The following FKBP5 variants were observed in gnomAD, a reference collection of about 807,000 sequenced individuals.
FKBP5 encodes the protein peptidyl-prolyl cis-trans isomerase FKBP5.
A neutral mutation model predicts 50.5 loss-of-function variants in FKBP5; 23 were observed. The observed-to-expected ratio is 0.46, with a 90% confidence interval of 0.33 to 0.65. The LOEUF (loss-of-function observed/expected upper bound fraction) is 0.65, where lower values mean the gene tolerates loss of function less well. Among genes scored for constraint, FKBP5 ranks in the 30% least tolerant of loss-of-function variants. FKBP5 has a pLI of 0.02. For synonymous variants in FKBP5, 176 were observed against 190.6 expected, an observed-to-expected ratio of 0.92 and a Z score of 0.63; for missense variants, 411 against 553.1, an observed-to-expected ratio of 0.74 and a Z score of 2.58.
intron 8 of FKBP5, chr6:35,584,878 G>A: frequency 2.0e-6 from 2 of 985,380 alleles, no homozygotes; most frequent in Non-Finnish European, 2.4e-6. Flanking sequence ...GTTCATAATA[G>A]TATCACTCTT....
intron 1 of FKBP5, among the ~76,000 whole-genome samples, chr6:35,656,895 CAA>C (rs35579361): frequency 7.2e-5 from 8 of 111,020 alleles, no homozygotes; most frequent in African/African-American, 1.4e-4. Context: ...GACTCCGTCT[CAA>C]AAAAAAAAAA....
intron 7 of FKBP5, among the ~76,000 whole-genome samples, 162 bp from the exon 8 acceptor site, chr6:35,587,279 T>G (rs73746494): frequency 0.072 from 10,945 of 152,262 alleles, 784 homozygotes; most frequent in African/African-American, 0.19. Context: ...GGCCAGTGCT[T>G]CTTCATACTG....
Position 35,642,202 on chromosome 6 carries a change from C to A in FKBP5, c.105+518G>T, listed in dbSNP as rs112250490. Among the ~76,000 whole-genome samples, 841 of 152,004 alleles carry A rather than the reference C, an allele frequency of 5.5e-3. 10 individuals are homozygous for A. Among genetic ancestry groups the A allele is most frequent in the African/African-American group, 0.019 (768 of 41,440 alleles). On this transcript the variant is annotated intron_variant, in intron 2 of 10. Coordinates refer to ENST00000357266, the MANE Select transcript of FKBP5 (RefSeq NM_004117.4). ...CCTTTAGAGTGAGATATAACTTGGA[C>A]CTGAACCCCAGGTAAATCTGCATTA...
intron 1 of FKBP5, among the ~76,000 whole-genome samples, chr6:35,726,105 G>A (rs1025107234): frequency 7.9e-5 from 12 of 152,206 alleles, no homozygotes; most frequent in Admixed American, 2.6e-4. Context: ...CCGGAAAGGC[G>A]GCAAGCATCA....
intron 5 of FKBP5, among the ~76,000 whole-genome samples, chr6:35,610,408 T>C (rs971017007): frequency 2.7e-5 from 4 of 150,704 alleles, no homozygotes; most frequent in African/African-American, 9.8e-5. Flanking sequence ...CTACTAAAAA[T>C]ACAAAAAAAA....
intron 2 of FKBP5, among the ~76,000 whole-genome samples, chr6:35,706,116 CAAAT>C (rs988975141): frequency 6.7e-6 from 1 of 148,312 alleles, no homozygotes; most frequent in Non-Finnish European, 1.5e-5. Context: ...CTCAAACAAA[CAAAT>C]AGTTTAGAAA....
Position 35,577,058 on chromosome 6 carries a change from T to C in FKBP5, c.1202A>G (p.His401Arg), listed in dbSNP as rs1360571907. 3 of 1,614,108 alleles carry C rather than the reference T, an allele frequency of 1.9e-6. No homozygotes were observed. Among genetic ancestry groups the C allele is most frequent in the Non-Finnish European group, 2.5e-6 (3 of 1,180,034 alleles). ...GTATATCCTGCGGTCCCGCTCGTTG[T>C]GCTCCTTGGCCTTTTTCTGGCACAT... ...ISMCQKKAKEHNERDRRIYAN... is the reference protein window; with the variant it reads ...ISMCQKKAKERNERDRRIYAN... Residue 401 changes from histidine to arginine, a missense_variant, in exon 10 of 11, where the codon CAC (histidine) becomes CGC (arginine). His to Arg is a conservative substitution (Grantham distance 29). Coordinates refer to ENST00000357266, the MANE Select transcript of FKBP5 (RefSeq NM_004117.4).
intron 2 of FKBP5, among the ~76,000 whole-genome samples, chr6:35,695,828 C>G (rs889703596): frequency 1.3e-5 from 2 of 152,110 alleles, no homozygotes; most frequent in Non-Finnish European, 2.9e-5. Context: ...TAGAAAACAA[C>G]AAACATTGTT....
At chr6:35,670,018 G>C (rs1243665024) in intron 1 of FKBP5, among the ~76,000 whole-genome samples, 1 of 152,050 alleles carries the variant, frequency 6.6e-6, no homozygotes, top group Non-Finnish European at 1.5e-5. Flanking sequence ...CTCATTTTCT[G>C]TCTTTGTTTT....
intron 1 of FKBP5, among the ~76,000 whole-genome samples, chr6:35,664,346 G>C (rs1765157545): frequency 6.6e-6 from 1 of 151,820 alleles, no homozygotes; most frequent in South Asian, 2.1e-4. Context: ...TGAACTAAAA[G>C]GAACACAGCA....
At chr6:35,593,703 C>T (rs1354213004) in intron 6 of FKBP5, among the ~76,000 whole-genome samples, 3 of 152,078 alleles carry the variant, frequency 2.0e-5, no homozygotes, top group African/African-American at 7.2e-5. Context: ...TACAGGCATG[C>T]ACCACCACGC....
At chr6:35,685,336 A>G (rs1342047341) in intron 1 of FKBP5, among the ~76,000 whole-genome samples, 5 of 152,204 alleles carry the variant, frequency 3.3e-5, no homozygotes, top group Non-Finnish European at 7.3e-5. Flanking sequence ...TTAAATCAAT[A>G]GTTATGTGAC....
At chr6:35,614,343 G>T (rs138473228) in intron 5 of FKBP5, among the ~76,000 whole-genome samples, 2 of 152,282 alleles carry the variant, frequency 1.3e-5, no homozygotes, top group East Asian at 3.9e-4. Flanking sequence ...GGATGAGGGG[G>T]AAATGACACT....
Position 35,626,987 on chromosome 6 carries a change from T to C in FKBP5, c.251-6713A>G, listed in dbSNP as rs75912844. On this transcript the variant is annotated intron_variant, in intron 3 of 10. Transcript: ENST00000357266. ...ACCCTGCTTTCAATTCTGTTGGTTA[T>C]ATGCCCACAAGTAGAACTGCTAGAT... 3.9e-3 allele frequency among the ~76,000 whole-genome samples: 599 copies of C among 152,348 alleles called. 4 individuals are homozygous for C. The highest frequency in any genetic ancestry group is 0.013 in the African/African-American group (549 of 41,582).
intron 8 of FKBP5, chr6:35,586,359 A>G (rs1457992107): frequency 3.0e-6 from 3 of 985,214 alleles, no homozygotes; most frequent in Non-Finnish European, 3.6e-6. Context: ...GCAAGTGTGC[A>G]GGAATCATCT....
At chr6:35,617,668 C>CT (rs575884968) in intron 5 of FKBP5, among the ~76,000 whole-genome samples, 86 of 152,302 alleles carry the variant, frequency 5.6e-4, no homozygotes, top group Admixed American at 1.4e-3. Context: ...TGCAGAAAGC[C>CT]TTTACTGAAC....
rs376199256 is a variant in FKBP5, at chr6:35,577,060, C to T, written c.1200G>A (p.Glu400=). ...QISMCQKKAK[E]HNERDRRIYA... ...ATATCCTGCGGTCCCGCTCGTTGTGCTCCTTGGCCTTTTTCTGGCACATGG... is the reference window on the plus strand; with the variant it reads ...ATATCCTGCGGTCCCGCTCGTTGTGTTCCTTGGCCTTTTTCTGGCACATGG... Residue 400 remains glutamate, a synonymous_variant, in exon 10 of 11, where the codon GAG becomes GAA. Coordinates refer to ENST00000357266, the MANE Select transcript of FKBP5 (RefSeq NM_004117.4). The T allele has an allele frequency of 4.0e-5, 64 of 1,614,092 alleles. No homozygotes were observed. Among genetic ancestry groups the T allele is most frequent in the Non-Finnish European group, 5.3e-5 (63 of 1,180,028 alleles).
chr6:35,656,300 T>C (rs1382216793), intron 1 of FKBP5, among the ~76,000 whole-genome samples: 1 of 152,228 alleles, frequency 6.6e-6, no homozygotes, highest in Non-Finnish European at 1.5e-5. Flanking sequence ...GTGGAATCTC[T>C]GGCCCTCACT....
chr6:35,613,322 C>T (rs576836877), intron 5 of FKBP5, among the ~76,000 whole-genome samples: 12 of 152,182 alleles, frequency 7.9e-5, no homozygotes, highest in Admixed American at 7.9e-4. Flanking sequence ...TCAAGCAATT[C>T]TCCTGCCTCA....
Sources: gnomAD v4.1 joint callset for allele counts (sites outside exome capture counted in the v4.1 genomes callset) on GRCh38, gnomAD v4.1.1 for gene constraint, MANE v1.5 for transcripts, NCBI Gene and HGNC (gene_info 2026-07-23, HGNC 2026-07-21) for gene names.